Variants in LIPC observed in about 807,000 individuals in gnomAD.
LIPC encodes hepatic triacylglycerol lipase.
Under a neutral mutation model 50.7 loss-of-function variants are expected in LIPC, and 44 were observed. The observed-to-expected ratio is 0.87, with a 90% CI of 0.68 to 1.11. The LOEUF (loss-of-function observed/expected upper bound fraction) is 1.11. LIPC is among the 50% of genes most tolerant of loss of function. LIPC has a pLI of 0.00. For missense variants in LIPC, 697 were observed against 648.2 expected, an observed-to-expected ratio of 1.08 and a Z score of -0.82; for synonymous variants, 271 against 256.4, an observed-to-expected ratio of 1.06 and a Z score of -0.54.
chr15:58,462,833 TGAA>T (rs1419918068), intron 1 of LIPC, among the ~76,000 whole-genome samples: 2 of 152,164 alleles, frequency 1.3e-5, no homozygotes, highest in Admixed American at 6.5e-5. Flanking sequence ...GGGGCAGGCC[TGAA>T]GAACCCTTTC....
intron 2 of LIPC, among the ~76,000 whole-genome samples, chr15:58,540,077 T>C (rs1406276392): frequency 6.6e-6 from 1 of 152,228 alleles, no homozygotes; most frequent in African/African-American, 2.4e-5. Flanking sequence ...CCTATTCTCA[T>C]CTAATAGACT....
At chr15:58,479,318 G>A (rs1891108826) in intron 1 of LIPC, among the ~76,000 whole-genome samples, 1 of 152,236 alleles carries the variant, frequency 6.6e-6, no homozygotes, top group Admixed American at 6.5e-5. Context: ...TGTTGTGACT[G>A]TCATTTATTA....
chr15:58,540,263 A>G (rs952451314), intron 2 of LIPC, among the ~76,000 whole-genome samples: 1 of 152,202 alleles, frequency 6.6e-6, no homozygotes, highest in Non-Finnish European at 1.5e-5. Flanking sequence ...AACCTAGTAT[A>G]TGTCTCCTCC....
rs781111894 is a variant in LIPC at position 58,560,937 on chromosome 15, A to C, written c.1125A>C (p.Ser375=). 6.4e-7 allele frequency: 1 copy of C among 1,573,098 alleles called. No homozygotes were observed. The highest frequency in any genetic ancestry group is 1.7e-5 in the Admixed American group (1 of 59,968). Residue 375 remains serine, a synonymous_variant, in exon 7 of 9, where the codon TCA becomes TCC. Transcript: ENST00000299022. ...ETPIQTTFTM[S]LLGTKEKMQK... is the part of the protein sequence containing the mutation. Reference sequence around the variant, plus strand: ...CAATACAAACAACTTTTACCATGTCACTACTCGGAACAAAAGAGAAAATGC... The same window carrying C: ...CAATACAAACAACTTTTACCATGTCCCTACTCGGAACAAAAGAGAAAATGC...
intron 1 of LIPC, chr15:58,498,833 A>T (rs1409750790): frequency 6.6e-6 from 1 of 152,230 alleles, no homozygotes; most frequent in Non-Finnish European, 1.5e-5. Flanking sequence ...TTCTGTACTG[A>T]AAGAGACAAA....
At chr15:58,549,496 G>A (rs544386134) in intron 6 of LIPC, among the ~76,000 whole-genome samples, 5 of 152,338 alleles carry the variant, frequency 3.3e-5, no homozygotes, top group South Asian at 2.1e-4. Context: ...ACAGCCAGGC[G>A]AGGATGGCAG....
intron 1 of LIPC, among the ~76,000 whole-genome samples, chr15:58,514,113 G>A (rs187854453): frequency 9.9e-4 from 151 of 152,294 alleles, no homozygotes; most frequent in African/African-American, 3.5e-3. Flanking sequence ...AGCCCCCACT[G>A]GCATCAAGTT....
At chr15:58,517,133 T>A (rs1892509227) in intron 1 of LIPC, among the ~76,000 whole-genome samples, 1 of 152,246 alleles carries the variant, frequency 6.6e-6, no homozygotes, top group South Asian at 2.1e-4. Context: ...CCCACACTAT[T>A]CCTTACTAAG....
At chr15:58,497,908 C>T (rs1389653508) in intron 1 of LIPC, 1 of 152,214 alleles carries the variant, frequency 6.6e-6, no homozygotes, top group African/African-American at 2.4e-5. Flanking sequence ...CCTCCTCTCC[C>T]CCAACACACA....
intron 1 of LIPC, among the ~76,000 whole-genome samples, chr15:58,520,255 G>C (rs1215561161): frequency 2.0e-5 from 3 of 151,824 alleles, no homozygotes; most frequent in Non-Finnish European, 4.4e-5. Flanking sequence ...AATTTTGTTT[G>C]GGTTGAAACA....
chr15:58,517,714 A>G (rs1892527742), intron 1 of LIPC, among the ~76,000 whole-genome samples: 2 of 152,248 alleles, frequency 1.3e-5, no homozygotes, highest in Admixed American at 1.3e-4. Flanking sequence ...CATTGACATT[A>G]GACACAAAAA....
intron 4 of LIPC, among the ~76,000 whole-genome samples, chr15:58,544,162 T>C (rs936356204): frequency 5.9e-5 from 9 of 151,992 alleles, no homozygotes; most frequent in Admixed American, 5.9e-4. Flanking sequence ...TGAGCAGCCC[T>C]CCCACTGAAG....
chr15:58,438,727 G>A (rs1893399602), intron 1 of LIPC, among the ~76,000 whole-genome samples: 1 of 152,206 alleles, frequency 6.6e-6, no homozygotes, highest in South Asian at 2.1e-4. Context: ...TCCTAAACAT[G>A]GTCACAAAGT....
intron 1 of LIPC, chr15:58,435,174 A>G (rs1319661986): frequency 2.0e-5 from 3 of 152,372 alleles, no homozygotes; most frequent in South Asian, 2.1e-4. Flanking sequence ...TATTTTCCAA[A>G]TAAGTTTTAA....
At chr15:58,476,218 C>A (rs1227561063) in intron 1 of LIPC, among the ~76,000 whole-genome samples, 2 of 152,244 alleles carry the variant, frequency 1.3e-5, no homozygotes, top group Non-Finnish European at 2.9e-5. Context: ...CTCTGGCACC[C>A]AGGTTCTCAG....
intron 5 of LIPC, 68 bp from the exon 6 acceptor site, chr15:58,548,262 G>C (rs1401573734): frequency 1.9e-6 from 3 of 1,611,012 alleles, no homozygotes; most frequent in African/African-American, 2.7e-5. Context: ...TGAGAACCAA[G>C]GTGATCCTCT....
chr15:58,511,126 T>C (rs546574283), intron 1 of LIPC, among the ~76,000 whole-genome samples: 1 of 152,362 alleles, frequency 6.6e-6, no homozygotes, highest in African/African-American at 2.4e-5. Flanking sequence ...CTCCTGACTC[T>C]ACATCCTATG....
chr15:58,493,781 G>C (rs1223258257), intron 1 of LIPC, among the ~76,000 whole-genome samples: 1 of 149,240 alleles, frequency 6.7e-6, no homozygotes, highest in Non-Finnish European at 1.5e-5. Flanking sequence ...GAATATATAA[G>C]TTTATATATA....
chr15:58,448,601 A>G (rs899349901), intron 1 of LIPC, among the ~76,000 whole-genome samples: 2 of 152,256 alleles, frequency 1.3e-5, no homozygotes, highest in Admixed American at 6.5e-5. Context: ...CAGCACTGGC[A>G]GAGGCCGGCA....
Sources: allele counts gnomAD v4.1 joint callset (sites outside exome capture counted in the v4.1 genomes callset), GRCh38; gene constraint gnomAD v4.1.1; transcripts MANE v1.5; gene names NCBI Gene and HGNC (gene_info 2026-07-23, HGNC 2026-07-21).